TMEM38A: variants seen among roughly 807,000 people sequenced by gnomAD.
TMEM38A encodes transmembrane protein 38A, also known as trimeric intracellular cation channel type A.
Under a neutral mutation model 28.6 loss-of-function variants are expected in TMEM38A, and 17 were observed. The observed-to-expected ratio is 0.60, with a 90% CI of 0.41 to 0.89. The LOEUF is 0.89. Ranked by LOEUF, TMEM38A falls within the 40% of genes least tolerant of loss-of-function variation. The pLI is 0.00. For synonymous variants in TMEM38A, 169 were observed against 166.1 expected (o/e 1.02, Z -0.14); for missense variants, 328 against 393.1 (o/e 0.83, Z 1.40).
intron 4 of TMEM38A, 129 bp from the exon 5 acceptor site, chr19:16,686,159 T>A (rs1488941639): frequency 1.6e-6 from 1 of 640,982 alleles, no homozygotes; most frequent in South Asian, 1.9e-5. Context: ...TGAGATTCCA[T>A]CTCAAAAGGA....
chr19:16,685,966 C>A (rs1454478813), intron 4 of TMEM38A, among the ~76,000 whole-genome samples: 1 of 152,166 alleles, frequency 6.6e-6, no homozygotes, highest in Non-Finnish European at 1.5e-5. Context: ...AGTTCGAGAC[C>A]AACCTGGCCA....
At chr19:16,665,655 G>A (rs947298597) in intron 1 of TMEM38A, among the ~76,000 whole-genome samples, 11 of 152,100 alleles carry the variant, frequency 7.2e-5, no homozygotes, top group African/African-American at 2.7e-4. Flanking sequence ...CTTTCCTAGC[G>A]ATTGTAAAGA....
rs765575651 is a variant in TMEM38A, at chr19:16,688,122, C to T, written c.673-22C>T. ...GGTCTCCCTCTGTCTCTCTTGCTGT[C>T]TCCCTGGCCACCCCACCTCAGGTGT... On this transcript the variant is annotated intron_variant, in intron 5 of 5. Transcript: ENST00000187762. 7 of 1,421,416 alleles carry T rather than the reference C, an allele frequency of 4.9e-6. No homozygotes were observed. The African/African-American group carries it at 1.0e-4, about 21-fold the overall frequency. The allele number at this position is 1,421,416 out of a possible 1,614,324, so 88.1% of individuals were successfully genotyped here.
At chr19:16,682,273 C>T (rs2086784869) in intron 3 of TMEM38A, 148 bp from the exon 4 acceptor site, 4 of 649,480 alleles carry the variant, frequency 6.2e-6, no homozygotes, top group South Asian at 1.8e-5. Context: ...TCAGTTTCCC[C>T]ACCTGCAGCT....
At position 16,666,952 on chromosome 19, in the gene TMEM38A, CAAAAAA is replaced by C. The variant is rs34700803; in HGVS notation, c.124+5620_124+5625del. 1.1e-3 allele frequency among the ~76,000 whole-genome samples: 139 copies of C among 122,876 alleles called. 2 individuals carry two copies. Among genetic ancestry groups the C allele is most frequent in the African/African-American group, 3.8e-3 (134 of 35,310 alleles). The allele number at this position is 122,876 out of a possible 152,430, so 80.6% of individuals were successfully genotyped here. On this transcript the variant is annotated intron_variant, in intron 1 of 5. Transcript: ENST00000187762. The stretch of plus-strand genomic sequence containing the variant: ...TGGGCAAAAGAGCGAAACTCCATCT[CAAAAAA>C]AAAAAAAAGAAAAGAAATGCAGAGT...
At chr19:16,673,057 C>T (rs2086734469) in intron 1 of TMEM38A, among the ~76,000 whole-genome samples, 1 of 150,412 alleles carries the variant, frequency 6.6e-6, no homozygotes, top group African/African-American at 2.5e-5. Flanking sequence ...GTCTAGTTCA[C>T]TTTTCTTTTT....
At chr19:16,665,120 C>T in intron 1 of TMEM38A, among the ~76,000 whole-genome samples, 1 of 152,058 alleles carries the variant, frequency 6.6e-6, no homozygotes, top group East Asian at 1.9e-4. Flanking sequence ...CATGGAGAAA[C>T]CCTGTCTCTA....
Position 16,688,249 on chromosome 19 carries a change from G to A in TMEM38A, c.778G>A (p.Asp260Asn), listed in dbSNP as rs34995930. Residue 260 changes from aspartate (D) to asparagine (N), a missense_variant, in exon 6 of 6, where the codon GAC (aspartate) becomes AAC (asparagine). Asp to Asn is a conservative substitution (Grantham distance 23, BLOSUM62 1). Transcript: ENST00000187762. ...GSACGGDHHH[D>N]NHGGSHSGGG... ...GGCCTGCGGGGGTGACCATCACCAC[G>A]ACAACCATGGTGGGTCCCACAGCGG... 2.5e-3 allele frequency: 3,989 copies of A among 1,577,160 alleles called. 9 individuals are homozygous for A. Among genetic ancestry groups the A allele is most frequent in the Non-Finnish European group, 3.0e-3 (3,457 of 1,152,266 alleles).
chr19:16,670,642 G>A (rs923405450), intron 1 of TMEM38A, among the ~76,000 whole-genome samples: 9 of 151,890 alleles, frequency 5.9e-5, no homozygotes, highest in Non-Finnish European at 8.8e-5. Flanking sequence ...GATGAGCATC[G>A]AAAGTCCCAT....
At position 16,689,747 on chromosome 19, in the gene TMEM38A, G is replaced by C. The variant is rs2086818317; in HGVS notation, c.*1376G>C. On this transcript the variant is annotated 3_prime_UTR_variant, in exon 6 of 6. Coordinates refer to ENST00000187762, the MANE Select transcript of TMEM38A (RefSeq NM_024074.4). ...AGCCTGCTTCAGTGTGAGCGAGGTGGATGATATTATAGCTGAAGGGTCCCT... is the reference window on the plus strand; with the variant it reads ...AGCCTGCTTCAGTGTGAGCGAGGTGCATGATATTATAGCTGAAGGGTCCCT... 1 of 152,398 alleles carries C rather than the reference G, an allele frequency of 6.6e-6. No individual in the cohort carries two copies. The highest frequency in any genetic ancestry group is 1.9e-4 in the East Asian group (1 of 5,202). 9.4% of individuals were successfully genotyped at this position (152,398 alleles called of 1,614,324 possible). A position where few individuals can be genotyped will look rare whatever the true frequency, so the allele number is the denominator to read the frequency against.
intron 1 of TMEM38A, among the ~76,000 whole-genome samples, chr19:16,672,430 A>G (rs1460259518): frequency 1.3e-5 from 2 of 150,774 alleles, no homozygotes; most frequent in African/African-American, 2.5e-5. Flanking sequence ...TTAAAAAAAA[A>G]TCACAAAAAA....
chr19:16,665,740 G>A (rs1196520123), intron 1 of TMEM38A, among the ~76,000 whole-genome samples: 1 of 152,114 alleles, frequency 6.6e-6, no homozygotes, highest in African/African-American at 2.4e-5. Flanking sequence ...GAAGTCTAGG[G>A]AGGAATATAT....
At chr19:16,679,863 C>A (rs1450711676) in intron 1 of TMEM38A, 121 bp from the exon 2 acceptor site, 1 of 1,104,734 alleles carries the variant, frequency 9.1e-7, no homozygotes, top group Non-Finnish European at 1.2e-6. Flanking sequence ...TCCTCTGAAA[C>A]TTACAAACTG....
At chr19:16,684,143 G>C (rs960682830) in intron 4 of TMEM38A, among the ~76,000 whole-genome samples, 59 of 125,136 alleles carry the variant, frequency 4.7e-4, no homozygotes, top group African/African-American at 1.8e-3. Flanking sequence ...GAAAGAAACA[G>C]AGAGAGAGAG....
chr19:16,678,440 A>G (rs1416389721), intron 1 of TMEM38A, among the ~76,000 whole-genome samples: 1 of 151,476 alleles, frequency 6.6e-6, no homozygotes, highest in East Asian at 1.9e-4. Flanking sequence ...AAAAAAAAAA[A>G]AAAAAAAAGA....
At position 16,686,334 on chromosome 19, in the gene TMEM38A, C is replaced by G. The variant is rs1394971039; in HGVS notation, c.601C>G (p.Gln201Glu). 1 of 1,613,428 alleles carries G rather than the reference C, an allele frequency of 6.2e-7. No individual in the cohort carries two copies. The highest frequency in any genetic ancestry group is 1.3e-5 in the African/African-American group (1 of 74,906). The change falls in exon 5 of 6, where the codon CAG (glutamine) becomes GAG (glutamate). Residue 201 changes from glutamine to glutamate, a missense_variant. Transcript: ENST00000187762. ...TGGAGCCATCCTCTTCACCCTCCAG[C>G]AGACCCGCTGGCTCCCAGTGTCCAA... ...LYGAILFTLQ[Q>E]TRWLPVSKAS...
At chr19:16,662,730 A>T (rs922990219) in intron 1 of TMEM38A, among the ~76,000 whole-genome samples, 4 of 151,446 alleles carry the variant, frequency 2.6e-5, no homozygotes, top group African/African-American at 9.7e-5. Flanking sequence ...GGGATTACAG[A>T]CGTGAGCCAC....
At chr19:16,687,999 C>A in intron 5 of TMEM38A, 145 bp from the exon 6 acceptor site, 1 of 535,890 alleles carries the variant, frequency 1.9e-6, no homozygotes, top group Non-Finnish European at 3.1e-6. Flanking sequence ...GTGCATGCAG[C>A]CAGAGGGCTG....
intron 1 of TMEM38A, among the ~76,000 whole-genome samples, chr19:16,678,378 G>A (rs960905301): frequency 6.9e-6 from 1 of 145,154 alleles, no homozygotes; most frequent in East Asian, 2.1e-4. Context: ...GCAGTGAGCC[G>A]AGATCGCGCC....
Sources: gnomAD v4.1 joint callset for allele counts (sites outside exome capture counted in the v4.1 genomes callset) on GRCh38, gnomAD v4.1.1 for gene constraint, MANE v1.5 for transcripts, NCBI Gene and HGNC (gene_info 2026-07-23, HGNC 2026-07-21) for gene names.